Variants in KLHL1 observed in about 807,000 individuals in gnomAD.
The protein encoded by KLHL1 is kelch like family member 1.
In KLHL1, 47 loss-of-function variants were observed where a neutral mutation model predicts 77.7. That is an observed-to-expected ratio of 0.60 (90% CI 0.48 to 0.77). KLHL1 has a LOEUF of 0.77. KLHL1 is among the 30% of genes least tolerant of loss of function. The pLI, the probability that KLHL1 is intolerant of heterozygous loss-of-function variation, is 0.00. For missense variants in KLHL1, 925 were observed against 910.8 expected, an observed-to-expected ratio of 1.02 and a Z score of -0.20; for synonymous variants, 360 against 325.2, an observed-to-expected ratio of 1.11 and a Z score of -1.15.
chr13:70,064,492 C>G (rs1432009593), intron 1 of KLHL1, among the ~76,000 whole-genome samples: 2 of 152,114 alleles, frequency 1.3e-5, no homozygotes, highest in Non-Finnish European at 2.9e-5. Context: ...GTTGTTATAA[C>G]TTGTCATTCA....
chr13:69,738,945 A>T (rs543022527), intron 8 of KLHL1, among the ~76,000 whole-genome samples: 1 of 152,264 alleles, frequency 6.6e-6, no homozygotes. Context: ...CTAGACACAT[A>T]ATCATCAGAT....
At chr13:69,923,940 C>A (rs1355851508) in intron 4 of KLHL1, among the ~76,000 whole-genome samples, 1 of 152,220 alleles carries the variant, frequency 6.6e-6, no homozygotes, top group African/African-American at 2.4e-5. Context: ...CTTGAAAGTG[C>A]CTGCTCCTGC....
At chr13:70,033,673 G>T (rs1387733755) in intron 1 of KLHL1, among the ~76,000 whole-genome samples, 1 of 122,198 alleles carries the variant, frequency 8.2e-6, no homozygotes, top group Non-Finnish European at 1.6e-5. Context: ...AGGCTGGCAT[G>T]CAGTGGCACC....
chr13:70,072,891 C>G (rs983017890), intron 1 of KLHL1, among the ~76,000 whole-genome samples: 4 of 151,944 alleles, frequency 2.6e-5, no homozygotes, highest in African/African-American at 9.7e-5. Context: ...CCCTAAGAAA[C>G]AAATCAAGGA....
At chr13:70,034,642 T>G (rs1368228514) in intron 1 of KLHL1, among the ~76,000 whole-genome samples, 1 of 152,184 alleles carries the variant, frequency 6.6e-6, no homozygotes, top group African/African-American at 2.4e-5. Context: ...AAAAATGATA[T>G]GCAGTGTATC....
chr13:69,767,253 T>A (rs1414953977), intron 7 of KLHL1, among the ~76,000 whole-genome samples: 1 of 152,128 alleles, frequency 6.6e-6, no homozygotes, highest in Non-Finnish European at 1.5e-5. Context: ...ATGTAAAAAT[T>A]CAAAAAAAAT....
At chr13:69,906,882 G>A (rs1045122690) in intron 4 of KLHL1, among the ~76,000 whole-genome samples, 4 of 151,802 alleles carry the variant, frequency 2.6e-5, no homozygotes, top group Non-Finnish European at 4.4e-5. Flanking sequence ...GGTTACATTA[G>A]CAAGCTTTCT....
At chr13:70,023,962 T>C (rs954159018) in intron 1 of KLHL1, among the ~76,000 whole-genome samples, 1 of 151,874 alleles carries the variant, frequency 6.6e-6, no homozygotes, top group African/African-American at 2.4e-5. Flanking sequence ...GTATATAGTT[T>C]TTCCTTAGTA....
intron 2 of KLHL1, among the ~76,000 whole-genome samples, chr13:69,962,292 A>G (rs9529660): frequency 0.39 from 59,743 of 151,802 alleles, 12,390 homozygotes; most frequent in Non-Finnish European, 0.47. Context: ...ATTAATTGAG[A>G]AATTCATAGA....
intron 1 of KLHL1, among the ~76,000 whole-genome samples, chr13:70,079,453 C>T (rs1887341999): frequency 6.6e-6 from 1 of 152,150 alleles, no homozygotes. Flanking sequence ...TTCATGATGC[C>T]TATTTCATTT....
At chr13:69,867,694 T>C (rs1179431158) in intron 5 of KLHL1, among the ~76,000 whole-genome samples, 1 of 151,960 alleles carries the variant, frequency 6.6e-6, no homozygotes, top group Admixed American at 6.6e-5. Context: ...GGTTTGTAAG[T>C]ATATTAAAAT....
intron 4 of KLHL1, among the ~76,000 whole-genome samples, chr13:69,913,311 A>C (rs1882304607): frequency 6.6e-6 from 1 of 152,162 alleles, no homozygotes; most frequent in African/African-American, 2.4e-5. Context: ...AGCTATATCC[A>C]AAGCCCCTTG....
chr13:69,988,402 G>A (rs1347607862), intron 1 of KLHL1, among the ~76,000 whole-genome samples: 1 of 152,034 alleles, frequency 6.6e-6, no homozygotes, highest in Non-Finnish European at 1.5e-5. Flanking sequence ...CTTTGCTATT[G>A]TGAATAGTGC....
intron 1 of KLHL1, among the ~76,000 whole-genome samples, chr13:70,094,234 G>A (rs886495904): frequency 2.6e-5 from 4 of 152,016 alleles, no homozygotes; most frequent in African/African-American, 7.3e-5. Context: ...GCTGAGGTGG[G>A]CGGATAACTT....
chr13:69,780,034 CT>C (rs1436710537), intron 7 of KLHL1, among the ~76,000 whole-genome samples: 1 of 151,852 alleles, frequency 6.6e-6, no homozygotes, highest in African/African-American at 2.4e-5. Flanking sequence ...TATCTATCTC[CT>C]GATCTCGGGT....
intron 1 of KLHL1, among the ~76,000 whole-genome samples, chr13:70,059,335 T>A (rs570719671): frequency 6.6e-6 from 1 of 152,022 alleles, no homozygotes; most frequent in East Asian, 1.9e-4. Flanking sequence ...TTGTTTTTGG[T>A]TTTTTCAATT....
At chr13:69,945,266 C>T (rs551488694) in intron 3 of KLHL1, among the ~76,000 whole-genome samples, 1 of 151,586 alleles carries the variant, frequency 6.6e-6, no homozygotes, top group Non-Finnish European at 1.5e-5. Flanking sequence ...AGCCACTGCA[C>T]CCGGCAGCTA....
At chr13:69,972,791 T>C (rs1884426516) in intron 2 of KLHL1, among the ~76,000 whole-genome samples, 2 of 151,882 alleles carry the variant, frequency 1.3e-5, no homozygotes, top group Non-Finnish European at 2.9e-5. Context: ...TTCATATCTG[T>C]ACATTATATC....
intron 4 of KLHL1, among the ~76,000 whole-genome samples, chr13:69,884,444 A>C (rs1881118416): frequency 2.0e-5 from 3 of 150,532 alleles, no homozygotes; most frequent in African/African-American, 7.4e-5. Flanking sequence ...AAAAAAAAAA[A>C]AACTACGTGA....
Sources: gnomAD v4.1 joint callset for allele counts (sites outside exome capture counted in the v4.1 genomes callset) on GRCh38, gnomAD v4.1.1 for gene constraint, MANE v1.5 for transcripts, NCBI Gene and HGNC (gene_info 2026-07-23, HGNC 2026-07-21) for gene names.